C11orf65: variants seen among roughly 807,000 people sequenced by gnomAD.
C11orf65 encodes protein MFI.
A neutral mutation model predicts 35.3 loss-of-function variants in C11orf65; 38 were observed. The ratio of observed to expected loss-of-function variants is 1.08; its 90% CI spans 0.83 to 1.41. The LOEUF (loss-of-function observed/expected upper bound fraction) is 1.41, where lower values mean the gene tolerates loss of function less well. Ranked by LOEUF, C11orf65 falls within the 40% of genes most tolerant of loss-of-function variation. The pLI is 0.00. For synonymous variants in C11orf65, 105 were observed against 114.4 expected, an observed-to-expected ratio of 0.92 and a Z score of 0.53; for missense variants, 370 against 367.1, an observed-to-expected ratio of 1.01 and a Z score of -0.06.
At chr11:108,351,644 T>C (rs1489650409) in intron 2 of C11orf65, among the ~76,000 whole-genome samples, 1 of 152,176 alleles carries the variant, frequency 6.6e-6, no homozygotes, top group African/African-American at 2.4e-5. Context: ...TCCACAATAG[T>C]GTCCTGGACC....
At chr11:108,341,108 C>T (rs2087505959) in intron 2 of C11orf65, among the ~76,000 whole-genome samples, 1 of 151,938 alleles carries the variant, frequency 6.6e-6, no homozygotes, top group Admixed American at 6.6e-5. Flanking sequence ...GCCTTATCTA[C>T]CACTCTCCTC....
intron 2 of C11orf65, among the ~76,000 whole-genome samples, chr11:108,444,912 T>C (rs533048317): frequency 6.6e-6 from 1 of 152,190 alleles, no homozygotes; most frequent in Admixed American, 6.5e-5. Flanking sequence ...ATCCTAATAC[T>C]GCACTTTTGC....
At chr11:108,357,613 GCCT>G (rs1480866904) in intron 2 of C11orf65, among the ~76,000 whole-genome samples, 1 of 152,120 alleles carries the variant, frequency 6.6e-6, no homozygotes, top group African/African-American at 2.4e-5. Flanking sequence ...CAGGCAGACT[GCCT>G]CCTCAAGTGG....
intron 3 of C11orf65, among the ~76,000 whole-genome samples, chr11:108,413,997 G>T (rs1420772859): frequency 6.6e-6 from 1 of 151,984 alleles, no homozygotes; most frequent in Non-Finnish European, 1.5e-5. Context: ...CTAATGTTCT[G>T]CCTTGAGGGA....
At chr11:108,317,615 T>TTTTATATATATA (rs1225638961) in intron 6 of C11orf65, 2 of 215,374 alleles carry the variant, frequency 9.3e-6, no homozygotes, top group Non-Finnish European at 8.2e-6. Context: ...AGGAGTTGTT[T>TTTTATATATATA]TATATATATA....
intron 2 of C11orf65, among the ~76,000 whole-genome samples, chr11:108,360,090 A>G (rs1325338584): frequency 1.6e-4 from 25 of 151,610 alleles, no homozygotes; most frequent in Non-Finnish European, 2.1e-4. Context: ...TCAAATAGAC[A>G]CAATAAAAAA....
At position 108,422,271 on chromosome 11, in the gene C11orf65, C is replaced by T. The variant is rs560706814; in HGVS notation, c.174+9475G>A. ...TCCTTACTCTACAATTTTCACTTCC[C>T]CAACAGATTTATTTTGGTGTGGAAA... On this transcript the variant is annotated intron_variant, in intron 3 of 8. Transcript: ENST00000393084. 5.3e-5 allele frequency among the ~76,000 whole-genome samples: 8 copies of T among 152,228 alleles called. No individual in the cohort carries two copies. The East Asian group carries it at 1.5e-3, about 29-fold the overall frequency.
chr11:108,435,064 G>A (rs752155057), intron 2 of C11orf65, among the ~76,000 whole-genome samples: 6 of 152,308 alleles, frequency 3.9e-5, no homozygotes, highest in African/African-American at 1.2e-4. Flanking sequence ...AATGAATATC[G>A]TGCTATTTCT....
chr11:108,323,971 T>C (rs1247645101), intron 6 of C11orf65, among the ~76,000 whole-genome samples: 1 of 152,154 alleles, frequency 6.6e-6, no homozygotes, highest in Non-Finnish European at 1.5e-5. Flanking sequence ...CTAAGTTTTG[T>C]TTTGTTTTGG....
At chr11:108,352,447 C>T (rs2089318008) in intron 2 of C11orf65, among the ~76,000 whole-genome samples, 1 of 152,060 alleles carries the variant, frequency 6.6e-6, no homozygotes, top group African/African-American at 2.4e-5. Flanking sequence ...GAAGACAGAG[C>T]CGTAGAAATT....
chr11:108,469,579 A>T (rs927317383), upstream of C11orf65, among the ~76,000 whole-genome samples: 3 of 151,954 alleles, frequency 2.0e-5, no homozygotes, highest in Non-Finnish European at 4.4e-5. Flanking sequence ...TGTAGTGCTT[A>T]TCTGAATTAT....
chr11:108,398,997 G>A (rs1048836873), intron 6 of C11orf65, among the ~76,000 whole-genome samples: 1 of 152,164 alleles, frequency 6.6e-6, no homozygotes, highest in Admixed American at 6.5e-5. Context: ...TGGGGGCAAA[G>A]CAATGGCCTT....
At chr11:108,399,354 G>A (rs2092391825) in intron 6 of C11orf65, among the ~76,000 whole-genome samples, 1 of 152,138 alleles carries the variant, frequency 6.6e-6, no homozygotes, top group Non-Finnish European at 1.5e-5. Flanking sequence ...AACTATAAAT[G>A]TTGGTCAGCA....
chr11:108,376,110 T>C (rs1200000739), intron 2 of C11orf65, among the ~76,000 whole-genome samples: 1 of 152,086 alleles, frequency 6.6e-6, no homozygotes. Flanking sequence ...ACCCAGGAAT[T>C]GAACTCAGCT....
chr11:108,356,717 G>A lies in C11orf65; in HGVS notation c.227-21425C>T, dbSNP rs55987601. ...ACCTAACACTCACCAGAAGAAGGTA[G>A]TTCTTTTAGGGCCTCAGAAATCTTA... is the stretch of plus-strand genomic sequence containing the variant. On this transcript the variant is annotated intron_variant, in intron 2 of 3. Transcript: ENST00000524755. Among the ~76,000 whole-genome samples the A allele has an allele frequency of 9.0e-3, 1,370 of 152,268 alleles. 19 individuals are homozygous for A. Among genetic ancestry groups the A allele is most frequent in the African/African-American group, 0.031 (1,294 of 41,554 alleles).
chr11:108,455,921 AG>A (rs1239018620), intron 2 of C11orf65, among the ~76,000 whole-genome samples: 3 of 151,950 alleles, frequency 2.0e-5, no homozygotes, highest in Non-Finnish European at 2.9e-5. Context: ...TGGGAGGCCA[AG>A]GTGGGTAGAT....
chr11:108,365,453 C>T lies in C11orf65; in HGVS notation c.226+27755G>A, dbSNP rs1490064006. 6.2e-7 allele frequency: 1 copy of T among 1,614,150 alleles called. No homozygotes were observed. The highest frequency in any genetic ancestry group is 8.5e-7 in the Non-Finnish European group (1 of 1,180,018). On this transcript the variant is annotated intron_variant, in intron 2 of 3. Coordinates refer to the C11orf65 transcript ENST00000524755. ...CAAGTGAATTTGCTCATACAGCAGG[C>T]CATAGACCCCAAAAATCTCAGCCGA...
chr11:108,321,427 A>G lies in C11orf65; in HGVS notation c.641-12356T>C. ...TTGGGGAGCTTTTCTCAAGGTATGT[A>G]ATTCGTATGACTTTGTTATCCTAAA... On this transcript the variant is annotated intron_variant, in intron 6 of 6. Transcript: ENST00000525729. 2 of 1,614,038 alleles carry G rather than the reference A, an allele frequency of 1.2e-6. No homozygotes were observed. The highest frequency in any genetic ancestry group is 2.2e-5 in the South Asian group (2 of 91,082).
At chr11:108,422,435 G>A (rs190702285) in intron 3 of C11orf65, among the ~76,000 whole-genome samples, 13 of 152,286 alleles carry the variant, frequency 8.5e-5, no homozygotes, top group Admixed American at 5.2e-4. Context: ...TAATAGTTAC[G>A]ACAACAGTAG....
Sources: gnomAD v4.1 joint callset for allele counts (sites outside exome capture counted in the v4.1 genomes callset) on GRCh38, gnomAD v4.1.1 for gene constraint, MANE v1.5 for transcripts, NCBI Gene and HGNC (gene_info 2026-07-23, HGNC 2026-07-21) for gene names.